The following ATG4A variants were observed in gnomAD, a reference collection of about 807,000 sequenced individuals.
The protein encoded by ATG4A is autophagy related 4A cysteine peptidase, also known as cysteine protease ATG4A.
Under a neutral mutation model 38.4 loss-of-function variants are expected in ATG4A, and 22 were observed. The observed-to-expected ratio is 0.57, with a 90% CI of 0.41 to 0.82. The LOEUF (loss-of-function observed/expected upper bound fraction) is 0.82, where lower values mean the gene tolerates loss of function less well. Among genes scored for constraint, ATG4A ranks in the 40% least tolerant of loss-of-function variants. The pLI is 0.00. For missense variants in ATG4A, 220 were observed against 290.0 expected (o/e 0.76, Z 1.75); for synonymous variants, 86 against 100.7 (o/e 0.85, Z 0.88).
chrX:108,099,268 G>A (rs1447741030), intron 1 of ATG4A, among the ~76,000 whole-genome samples: 1 of 110,879 alleles, frequency 9.0e-6, no homozygotes, highest in Non-Finnish European at 1.9e-5. Flanking sequence ...CTTTTCATGT[G>A]TTTATTTGTC....
intron 9 of ATG4A, among the ~76,000 whole-genome samples, chrX:108,148,912 T>G (rs1420409888): frequency 8.9e-6 from 1 of 112,558 alleles, no homozygotes; most frequent in Non-Finnish European, 1.9e-5. Flanking sequence ...AATATTTCTC[T>G]GGCCACTTTC....
intron 1 of ATG4A, among the ~76,000 whole-genome samples, chrX:108,098,714 A>G (rs1038627920): frequency 2.7e-5 from 3 of 111,840 alleles, no homozygotes; most frequent in Non-Finnish European, 3.8e-5. Context: ...AATTTTATAT[A>G]TAATTAAAAT....
At chrX:108,108,157 C>G in intron 1 of ATG4A, among the ~76,000 whole-genome samples, 1 of 71,978 alleles carries the variant, frequency 1.4e-5, no homozygotes. Flanking sequence ...TTTTTTGAGG[C>G]ACTTTTTTTT....
chrX:108,122,482 T>C (rs1416787928), intron 1 of ATG4A, among the ~76,000 whole-genome samples: 1 of 111,747 alleles, frequency 8.9e-6, no homozygotes, highest in Non-Finnish European at 1.9e-5. Flanking sequence ...AGTATTTTCA[T>C]TCACCCTATT....
chrX:108,093,769 TGTGAA>T (rs2031714475), intron 1 of ATG4A, among the ~76,000 whole-genome samples: 1 of 112,318 alleles, frequency 8.9e-6, no homozygotes, highest in African/African-American at 3.2e-5. Flanking sequence ...TCTAAGTGGG[TGTGAA>T]GTGGTGTCTC....
chrX:108,136,556 A>T (rs2033111772), intron 6 of ATG4A, among the ~76,000 whole-genome samples: 1 of 111,423 alleles, frequency 9.0e-6, no homozygotes, highest in African/African-American at 3.3e-5. Context: ...GCAGCTGGGG[A>T]ACAGTGGAAG....
chrX:108,097,871 C>G (rs2031875301), intron 1 of ATG4A, among the ~76,000 whole-genome samples: 1 of 112,518 alleles, frequency 8.9e-6, no homozygotes, highest in Non-Finnish European at 1.9e-5. Context: ...TCACTGCTTA[C>G]AAATGTAATT....
chrX:108,137,797 T>C lies in ATG4A; in HGVS notation c.548-7T>C, dbSNP rs766145484. On this transcript the variant is annotated splice_region_variant and splice_polypyrimidine_tract_variant and intron_variant, in intron 7 of 12. Coordinates refer to ENST00000372232, the MANE Select transcript of ATG4A (RefSeq NM_052936.5). ...ACTTATCCAATATTCTGTTCTTCCA[T>C]TTCTAGAAAAAATGTGCCGTGTCCT... 1.7e-6 allele frequency: 2 copies of C among 1,150,693 alleles called. No individual in the cohort carries two copies. The highest frequency in any genetic ancestry group is 4.3e-5 in the South Asian group (2 of 46,931). 94.8% of individuals were successfully genotyped at this position (1,150,693 alleles called of 1,213,427 possible).
At chrX:108,108,066 T>G (rs1353422221) in intron 1 of ATG4A, among the ~76,000 whole-genome samples, 1 of 110,325 alleles carries the variant, frequency 9.1e-6, no homozygotes, top group Non-Finnish European at 1.9e-5. Context: ...GGTGTTTGCC[T>G]TGGATAGGGA....
chrX:108,129,817 A>G (rs900013528), intron 3 of ATG4A, among the ~76,000 whole-genome samples: 2 of 102,776 alleles, frequency 1.9e-5, no homozygotes, highest in African/African-American at 3.6e-5. Context: ...TGATCCGCCC[A>G]CCTCGGCCTC....
intron 9 of ATG4A, among the ~76,000 whole-genome samples, chrX:108,145,304 G>A (rs748732838): frequency 9.8e-5 from 11 of 112,550 alleles, no homozygotes; most frequent in East Asian, 2.8e-4. Context: ...ACACAAAGAC[G>A]GAGAGTTCAT....
Position 108,109,775 on chromosome X carries a change from A to C in ATG4A, c.11-16302A>C, listed in dbSNP as rs182117367. Among the ~76,000 whole-genome samples the C allele has an allele frequency of 4.3e-4, 48 of 112,069 alleles. 1 individual carries two copies. The highest frequency in any genetic ancestry group is 7.5e-4 in the Non-Finnish European group (40 of 53,219). ...TGGTCTTGGCACCCTGTTGAAGATCATTTGAATATGACAGGGTTTATGTGT... is the reference window on the plus strand; with the variant it reads ...TGGTCTTGGCACCCTGTTGAAGATCCTTTGAATATGACAGGGTTTATGTGT... On this transcript the variant is annotated intron_variant, in intron 1 of 12. Transcript: ENST00000372232.
At chrX:108,148,023 ATATATATATATATATATATATATAT>A (rs1569314144) in intron 9 of ATG4A, among the ~76,000 whole-genome samples, 2 of 540 alleles carry the variant, frequency 3.7e-3, no homozygotes, top group East Asian at 0.062. Flanking sequence ...AATGGAAAAT[ATATATATATATATATATATATATAT>A]ATATATATAT....
At chrX:108,140,023 G>A (rs1017822555) in intron 9 of ATG4A, among the ~76,000 whole-genome samples, 5 of 112,111 alleles carry the variant, frequency 4.5e-5, no homozygotes, top group Admixed American at 9.5e-5. Context: ...TGGGGGTTAG[G>A]ATTTCAACAT....
Position 108,151,686 on chromosome X carries a change from T to G in ATG4A, c.961-116T>G, listed in dbSNP as rs2033590867. 4.4e-6 allele frequency: 3 copies of G among 689,540 alleles called. No individual in the cohort carries two copies. In the East Asian group the frequency reaches 9.7e-5, roughly 22 times the overall value. 56.8% of individuals were successfully genotyped at this position (689,540 alleles called of 1,213,427 possible). On this transcript the variant is annotated intron_variant, in intron 10 of 12. Transcript: ENST00000372232. ...GAGAAGCCCAGGCAGTCTTCCTTCT[T>G]TATTGCTGAGAAGTCACATCCACAG...
At chrX:108,118,449 C>T (rs899730372) in intron 1 of ATG4A, among the ~76,000 whole-genome samples, 8 of 111,388 alleles carry the variant, frequency 7.2e-5, no homozygotes, top group Admixed American at 2.9e-4. Context: ...CAAGTCATAT[C>T]ACCTCTCTGA....
intron 1 of ATG4A, among the ~76,000 whole-genome samples, chrX:108,125,807 T>G (rs1602645642): frequency 8.9e-6 from 1 of 111,943 alleles, no homozygotes; most frequent in Admixed American, 9.5e-5. Flanking sequence ...GTATAAAATG[T>G]TTTGAAGTAA....
intron 1 of ATG4A, among the ~76,000 whole-genome samples, chrX:108,104,759 C>T (rs916075787): frequency 3.6e-5 from 4 of 111,341 alleles, no homozygotes; most frequent in African/African-American, 1.3e-4. Context: ...CCTTCTCCTT[C>T]TTGGAATCCC....
intron 9 of ATG4A, among the ~76,000 whole-genome samples, chrX:108,140,951 T>C (rs2033235298): frequency 1.1e-5 from 1 of 91,906 alleles, no homozygotes; most frequent in South Asian, 4.6e-4. Context: ...TATATACACA[T>C]ATATACATAT....
Sources: gnomAD v4.1 joint callset for allele counts (sites outside exome capture counted in the v4.1 genomes callset) on GRCh38, gnomAD v4.1.1 for gene constraint, MANE v1.5 for transcripts, NCBI Gene and HGNC (gene_info 2026-07-23, HGNC 2026-07-21) for gene names.